OR1M1: variants seen among roughly 807,000 people sequenced by gnomAD.
OR1M1 encodes olfactory receptor 1M1.
For missense variants in OR1M1, 397 were observed against 401.8 expected (o/e 0.99, Z 0.10); for synonymous variants, 157 against 165.5 (o/e 0.95, Z 0.39).
Position 9,094,005 on chromosome 19 carries a change from C to T in OR1M1, c.761C>T (p.Thr254Ile). Residue 254 changes from threonine (T) to isoleucine (I), a missense_variant, in exon 2 of 2, where the codon ACC becomes ATC. Coordinates refer to ENST00000641627, the MANE Select transcript of OR1M1 (RefSeq NM_001004456.2). ...HLSVVALFYG[T>I]TIGVYLCPSS... ...TCTGTGGTTGCTCTCTTCTATGGGA[C>T]CACCATTGGCGTCTATCTGTGTCCC... is the stretch of plus-strand genomic sequence containing the variant. 6.2e-7 allele frequency: 1 copy of T among 1,614,156 alleles called. No homozygotes were observed. The highest frequency in any genetic ancestry group is 8.5e-7 in the Non-Finnish European group (1 of 1,180,036).
chr19:9,092,272 T>A (rs1228761117), intron 1 of OR1M1, among the ~76,000 whole-genome samples: 2 of 151,792 alleles, frequency 1.3e-5, no homozygotes, highest in Non-Finnish European at 2.9e-5. Context: ...AAATACTTCA[T>A]CCATGGTTTA....
rs531701219 is a variant in OR1M1, at chr19:9,089,509, C to T, written c.-14+2352C>T. 7.9e-5 allele frequency among the ~76,000 whole-genome samples: 12 copies of T among 151,670 alleles called. No homozygotes were observed. The East Asian group carries it at 9.7e-4, about 12-fold the overall frequency. On this transcript the variant is annotated intron_variant, in intron 1 of 1. Coordinates refer to ENST00000641627, the MANE Select transcript of OR1M1 (RefSeq NM_001004456.2). ...CACAATCTCAGCTCACTGCAACCTC[C>T]GCCTCCTGGGTTCAAGCGATTCTCC...
intron 1 of OR1M1, 160 bp from the exon 2 acceptor site, chr19:9,093,072 C>G: frequency 2.3e-6 from 1 of 439,318 alleles, no homozygotes; most frequent in Non-Finnish European, 4.0e-6. Flanking sequence ...CATATATATT[C>G]TATATATACA....
chr19:9,093,370 C>G lies in OR1M1; in HGVS notation c.126C>G (p.Asn42Lys). Residue 42 changes from asparagine (N) to lysine (K), a missense_variant, in exon 2 of 2, where the codon AAC becomes AAG. Physicochemically the swap from Asn to Lys is moderately conservative, Grantham distance 94 (BLOSUM62 0). Transcript: ENST00000641627. ...FCMYLVMVVG[N>K]LLIILAISID... The stretch of plus-strand genomic sequence containing the variant: ...TGTACCTGGTCATGGTCGTGGGGAA[C>G]CTGCTCATCATCCTGGCCATCAGCA... 6.2e-7 allele frequency: 1 copy of G among 1,613,958 alleles called. No homozygotes were observed. Among genetic ancestry groups the G allele is most frequent in the Non-Finnish European group, 8.5e-7 (1 of 1,179,990 alleles).
rs2145905805 is a variant in OR1M1 at position 9,093,900 on chromosome 19, C to T, written c.656C>T (p.Ala219Val). The change falls in exon 2 of 2, where the codon GCT (alanine) becomes GTT (valine). Residue 219 changes from alanine (A) to valine (V), a missense_variant. Ala to Val is a moderately conservative substitution (Grantham distance 64). Coordinates refer to ENST00000641627, the MANE Select transcript of OR1M1 (RefSeq NM_001004456.2). Reference protein sequence around the residue: ...TPFVCILASYARILVAIMKVP... With the variant: ...TPFVCILASYVRILVAIMKVP... ...TTTGTCTGCATCCTGGCCTCCTATG[C>T]TCGCATCCTTGTGGCCATCATGAAG... The T allele has an allele frequency of 6.2e-7, 1 of 1,614,172 alleles. No individual in the cohort carries two copies. The highest frequency in any genetic ancestry group is 2.2e-5 in the East Asian group (1 of 44,876).
intron 1 of OR1M1, 189 bp from the exon 2 acceptor site, chr19:9,093,037 CTATATA>C (rs112766830): frequency 3.9e-6 from 1 of 258,698 alleles, no homozygotes; most frequent in Non-Finnish European, 7.0e-6. Context: ...CTCTCTCTCT[CTATATA>C]TATATATATA....
chr19:9,091,162 G>C (rs903730107), intron 1 of OR1M1, among the ~76,000 whole-genome samples: 1 of 151,812 alleles, frequency 6.6e-6, no homozygotes, highest in African/African-American at 2.4e-5. Flanking sequence ...GCGAGACTCT[G>C]TCTCAAAAAA....
chr19:9,088,730 A>G (rs532950969), intron 1 of OR1M1, among the ~76,000 whole-genome samples: 1 of 152,192 alleles, frequency 6.6e-6, no homozygotes, highest in Non-Finnish European at 1.5e-5. Context: ...TAGTAAACAT[A>G]CAAAAAAATT....
rs116311222 is a variant in OR1M1, at chr19:9,094,437, C to G, written c.*251C>G. ...ACAGGGTCTCACTAATTTGGCCAGG[C>G]TGGTCTGGAACTCCTGGGCTCAAGC... On this transcript the variant is annotated 3_prime_UTR_variant, in exon 2 of 2. Transcript: ENST00000641627. 2.9e-6 allele frequency: 1 copy of G among 343,118 alleles called. No individual in the cohort carries two copies. Among genetic ancestry groups the G allele is most frequent in the Admixed American group, 4.3e-5 (1 of 23,242 alleles). The allele number at this position is 343,118 out of a possible 1,614,324, so 21.3% of individuals were successfully genotyped here. A position where few individuals can be genotyped will look rare whatever the true frequency, so the allele number is the denominator to read the frequency against.
Position 9,095,571 on chromosome 19 carries a change from A to G in OR1M1, c.*1385A>G, listed in dbSNP as rs113122234. On this transcript the variant is annotated 3_prime_UTR_variant, in exon 2 of 2. Transcript: ENST00000641627. ...CCGGCTAATTTATTTTTATTTGTAT[A>G]TATTTTTTTGGTAGAGATGGGGTCT... is the stretch of plus-strand genomic sequence containing the variant. 2,970 of 151,798 alleles carry G rather than the reference A, an allele frequency of 0.02. 46 individuals are homozygous for G. Among genetic ancestry groups the G allele is most frequent in the Middle Eastern group, 0.083 (24 of 290 alleles). 9.4% of individuals were successfully genotyped at this position (151,798 alleles called of 1,614,324 possible).
Position 9,094,243 on chromosome 19 carries a change from C to A in OR1M1, c.*57C>A. 9.9e-7 allele frequency: 1 copy of A among 1,013,828 alleles called. No homozygotes were observed. Among genetic ancestry groups the A allele is most frequent in the Non-Finnish European group, 1.4e-6 (1 of 691,558 alleles). 62.8% of individuals were successfully genotyped at this position (1,013,828 alleles called of 1,614,324 possible). A position where few individuals can be genotyped will look rare whatever the true frequency, so the allele number is the denominator to read the frequency against. ...AATATATACATCTGGGAGTCTTGGG[C>A]TAACATCTGGAATTGCATGAGTTGA... On this transcript the variant is annotated 3_prime_UTR_variant, in exon 2 of 2. Transcript: ENST00000641627.
intron 1 of OR1M1, among the ~76,000 whole-genome samples, chr19:9,092,683 C>T (rs1447101841): frequency 6.6e-6 from 1 of 151,868 alleles, no homozygotes; most frequent in South Asian, 2.1e-4. Context: ...GGGCGGATCA[C>T]GAGGTCAGGA....
Position 9,093,668 on chromosome 19 carries a change from C to A in OR1M1, c.424C>A (p.Arg142Ser), listed in dbSNP as rs769252571. Residue 142 changes from arginine to serine, a missense_variant, in exon 2 of 2, where the codon CGC (arginine) becomes AGC (serine). Transcript: ENST00000641627. ...YAKIMSLRLC[R>S]LLVGALWAFS... Reference sequence around the variant, plus strand: ...CAAGATCATGAGCCTACGCCTCTGTCGCCTGCTGGTCGGCGCCCTCTGGGC... The same window carrying A: ...CAAGATCATGAGCCTACGCCTCTGTAGCCTGCTGGTCGGCGCCCTCTGGGC... 7.4e-6 allele frequency: 12 copies of A among 1,614,158 alleles called. No homozygotes were observed. Among genetic ancestry groups the A allele is most frequent in the Non-Finnish European group, 1.0e-5 (12 of 1,180,036 alleles).
chr19:9,089,802 G>A (rs1316755230), intron 1 of OR1M1, among the ~76,000 whole-genome samples: 2 of 152,132 alleles, frequency 1.3e-5, no homozygotes, highest in Non-Finnish European at 2.9e-5. Flanking sequence ...CAGGGGTGCT[G>A]TGTGTGGGGT....
rs111649117 is a variant in OR1M1 at position 9,094,923 on chromosome 19, C to T, written c.*737C>T. ...GGTTCAAGTGATCCTCCTGCCTCAC[C>T]CTCCAGACTAGCTGGAACTACAGGC... On this transcript the variant is annotated 3_prime_UTR_variant, in exon 2 of 2. Coordinates refer to ENST00000641627, the MANE Select transcript of OR1M1 (RefSeq NM_001004456.2). 1,584 of 152,630 alleles carry T rather than the reference C, an allele frequency of 0.01. 13 individuals carry two copies. The highest frequency in any genetic ancestry group is 0.078 in the Middle Eastern group (23 of 294). The allele number at this position is 152,630 out of a possible 1,614,324, so 9.5% of individuals were successfully genotyped here. A position where few individuals can be genotyped will look rare whatever the true frequency, so the allele number is the denominator to read the frequency against.
chr19:9,092,340 T>C (rs540879699), intron 1 of OR1M1, among the ~76,000 whole-genome samples: 3 of 152,104 alleles, frequency 2.0e-5, no homozygotes, highest in Non-Finnish European at 2.9e-5. Flanking sequence ...ACACCTGCAA[T>C]TGTAGCACTT....
chr19:9,093,444 C>T lies in OR1M1; in HGVS notation c.200C>T (p.Ser67Phe), dbSNP rs767930057. 1.2e-6 allele frequency: 2 copies of T among 1,614,096 alleles called. No individual in the cohort carries two copies. The highest frequency in any genetic ancestry group is 2.2e-5 in the East Asian group (1 of 44,866). ...ATGTACTTCTTCCTGGCCAACCTGT[C>T]CCTGGTTGATTTCTGTCTGGCCACC... Reference protein sequence around the residue: ...TPMYFFLANLSLVDFCLATNT... With the variant: ...TPMYFFLANLFLVDFCLATNT... Residue 67 changes from serine (S) to phenylalanine (F), a missense_variant, in exon 2 of 2, where the codon TCC (serine) becomes TTC (phenylalanine). Transcript: ENST00000641627.
At chr19:9,092,725 C>A (rs1458262775) in intron 1 of OR1M1, among the ~76,000 whole-genome samples, 1 of 151,752 alleles carries the variant, frequency 6.6e-6, no homozygotes, top group Non-Finnish European at 1.5e-5. Context: ...TATGGTGAAA[C>A]CCCATTTCTA....
At position 9,093,534 on chromosome 19, in the gene OR1M1, G is replaced by A. The variant is rs570110447; in HGVS notation, c.290G>A (p.Cys97Tyr). ...AGCAAGGCCATCTCTTATCCCTGCT[G>A]CCTGATCCAGATGTACTTCTTCCAT... ...TGSKAISYPC[C>Y]LIQMYFFHFF... Residue 97 changes from cysteine to tyrosine, a missense_variant, in exon 2 of 2, where the codon TGC becomes TAC. By Grantham distance (194) the Cys-to-Tyr change is radical. Transcript: ENST00000641627. 1.6e-5 allele frequency: 26 copies of A among 1,614,158 alleles called. No individual in the cohort carries two copies. In the East Asian group the frequency reaches 5.3e-4, roughly 33 times the overall value.
Sources: gnomAD v4.1 joint callset for allele counts (sites outside exome capture counted in the v4.1 genomes callset) on GRCh38, gnomAD v4.1.1 for gene constraint, MANE v1.5 for transcripts, NCBI Gene and HGNC (gene_info 2026-07-23, HGNC 2026-07-21) for gene names.